Variants in PSD3 observed in about 807,000 individuals in gnomAD.
The protein encoded by PSD3 is PH and SEC7 domain-containing protein 3.
PSD3 carries 49 observed loss-of-function variants against 105.5 expected under a neutral mutation model. The ratio of observed to expected loss-of-function variants is 0.46; its 90% CI spans 0.37 to 0.59. The LOEUF (loss-of-function observed/expected upper bound fraction) is 0.59. Among genes scored for constraint, PSD3 ranks in the 20% least tolerant of loss-of-function variants. The probability of loss-of-function intolerance (pLI) is 0.00; values close to 1 mark genes in which losing one functional copy is unlikely to be tolerated. For missense variants in PSD3, 1,561 were observed against 1,263.8 expected (o/e 1.24, Z -3.57); for synonymous variants, 557 against 457.8 (o/e 1.22, Z -2.77).
rs138948389 is a variant in PSD3, at chr8:18,793,677, G to A, written c.2082+5618C>T. 3.3e-4 allele frequency among the ~76,000 whole-genome samples: 50 copies of A among 152,262 alleles called. 3 individuals carry two copies. The East Asian group carries it at 9.3e-3, about 28-fold the overall frequency. On this transcript the variant is annotated intron_variant, in intron 8 of 15. Transcript: ENST00000327040. Reference sequence around the variant, plus strand: ...CTCAGAGAGAAAACTGAATGCCAACGATAGCTTTCATGGCAGATGGCATCA... The same window carrying A: ...CTCAGAGAGAAAACTGAATGCCAACAATAGCTTTCATGGCAGATGGCATCA...
At chr8:18,976,525 C>T (rs1896201) in intron 1 of PSD3, among the ~76,000 whole-genome samples, 55,426 of 151,932 alleles carry the variant, frequency 0.36, 10,213 homozygotes, top group African/African-American at 0.4. Flanking sequence ...TTAGCAGTAG[C>T]CAAGTTCCAA....
intron 9 of PSD3, among the ~76,000 whole-genome samples, chr8:18,677,332 C>A (rs546408242): frequency 1.3e-5 from 2 of 152,114 alleles, no homozygotes; most frequent in Non-Finnish European, 2.9e-5. Context: ...AATGCCAGCA[C>A]TTTTGGAGGC....
intron 7 of PSD3, among the ~76,000 whole-genome samples, chr8:18,800,600 T>C (rs1810590098): frequency 6.6e-6 from 1 of 152,204 alleles, no homozygotes; most frequent in Non-Finnish European, 1.5e-5. Flanking sequence ...GGAACTGAAA[T>C]GGAGGAAAGA....
chr8:18,838,822 A>C (rs1033683211), intron 4 of PSD3, among the ~76,000 whole-genome samples: 6 of 136,128 alleles, frequency 4.4e-5, no homozygotes, highest in Admixed American at 2.3e-4. Context: ...AATAATAATA[A>C]TAATAATAAT....
intron 1 of PSD3, among the ~76,000 whole-genome samples, chr8:19,072,591 T>G (rs962663679): frequency 1.3e-5 from 2 of 152,082 alleles, no homozygotes; most frequent in African/African-American, 4.8e-5. Context: ...TATTCAGACA[T>G]GGAGAAAAGA....
intron 4 of PSD3, among the ~76,000 whole-genome samples, chr8:18,825,232 T>C (rs1414807626): frequency 1.3e-5 from 2 of 152,144 alleles, no homozygotes; most frequent in Non-Finnish European, 2.9e-5. Flanking sequence ...TCAAAAGGCA[T>C]CCTAAGTTCT....
At chr8:18,759,601 G>C (rs889657900) in intron 9 of PSD3, among the ~76,000 whole-genome samples, 1 of 152,082 alleles carries the variant, frequency 6.6e-6, no homozygotes, top group Non-Finnish European at 1.5e-5. Flanking sequence ...AACAATGACT[G>C]GAATAAAAAT....
intron 1 of PSD3, among the ~76,000 whole-genome samples, chr8:19,042,671 C>T (rs1828163916): frequency 6.6e-6 from 1 of 152,128 alleles, no homozygotes; most frequent in Non-Finnish European, 1.5e-5. Context: ...CAACTGAATT[C>T]AAAATAACTG....
At chr8:18,770,738 T>C (rs1807443981) in intron 8 of PSD3, among the ~76,000 whole-genome samples, 1 of 152,228 alleles carries the variant, frequency 6.6e-6, no homozygotes, top group African/African-American at 2.4e-5. Context: ...TGTCTGCATA[T>C]GGCTTAAGTG....
At chr8:19,058,838 G>T (rs886724299) in intron 1 of PSD3, among the ~76,000 whole-genome samples, 4 of 152,184 alleles carry the variant, frequency 2.6e-5, no homozygotes, top group Admixed American at 6.5e-5. Context: ...AAGAGGAAGT[G>T]AGGATGTTGT....
intron 8 of PSD3, among the ~76,000 whole-genome samples, chr8:18,793,382 A>AAC (rs1491571182): frequency 9.7e-4 from 146 of 150,182 alleles, no homozygotes; most frequent in Middle Eastern, 3.4e-3. Flanking sequence ...GAAAAAAAAA[A>AAC]CAAAACAAAA....
intron 4 of PSD3, among the ~76,000 whole-genome samples, chr8:18,847,771 T>G (rs1815216121): frequency 6.6e-6 from 1 of 152,154 alleles, no homozygotes; most frequent in African/African-American, 2.4e-5. Flanking sequence ...CTGGTGACCC[T>G]CTGTGGCACC....
chr8:18,699,743 T>C (rs539951324), intron 9 of PSD3, among the ~76,000 whole-genome samples: 4 of 147,846 alleles, frequency 2.7e-5, no homozygotes, highest in Middle Eastern at 3.4e-3. Flanking sequence ...TGGTAGGCTA[T>C]AGAATGGTGG....
At chr8:18,958,941 G>A (rs561927099) in intron 1 of PSD3, among the ~76,000 whole-genome samples, 36 of 147,420 alleles carry the variant, frequency 2.4e-4, no homozygotes, top group African/African-American at 8.0e-4. Context: ...TTTCTTTTGA[G>A]ACGGAGTCTT....
At chr8:18,799,073 A>C in intron 8 of PSD3, 1 of 492,792 alleles carries the variant, frequency 2.0e-6, no homozygotes, top group East Asian at 3.8e-5. Context: ...ATTACTGCTA[A>C]AACAACTCCA....
intron 11 of PSD3, among the ~76,000 whole-genome samples, chr8:18,615,485 G>C: frequency 6.6e-6 from 1 of 152,194 alleles, no homozygotes; most frequent in East Asian, 1.9e-4. Context: ...CTATATAGAA[G>C]TAACGTGTCT....
intron 4 of PSD3, among the ~76,000 whole-genome samples, chr8:18,812,193 C>T (rs1362450554): frequency 6.6e-6 from 1 of 152,150 alleles, no homozygotes; most frequent in Non-Finnish European, 1.5e-5. Flanking sequence ...TGACGCTGAA[C>T]TAGCTGTTCA....
At chr8:18,766,644 C>T (rs1807025447) in intron 8 of PSD3, among the ~76,000 whole-genome samples, 1 of 152,192 alleles carries the variant, frequency 6.6e-6, no homozygotes, top group African/African-American at 2.4e-5. Context: ...ACACTACTTT[C>T]AAACTAACAA....
chr8:18,808,826 G>C, intron 4 of PSD3: 1 of 1,613,036 alleles, frequency 6.2e-7, no homozygotes. Context: ...CTTCCTCTCC[G>C]AAGCCCCGTC....
Sources: gnomAD v4.1 joint callset for allele counts (sites outside exome capture counted in the v4.1 genomes callset) on GRCh38, gnomAD v4.1.1 for gene constraint, MANE v1.5 for transcripts, NCBI Gene and HGNC (gene_info 2026-07-23, HGNC 2026-07-21) for gene names.